The following LUZP2 variants were observed in gnomAD, a reference collection of about 807,000 sequenced individuals.
The protein encoded by LUZP2 is leucine zipper protein 2.
A neutral mutation model predicts 51.6 loss-of-function variants in LUZP2; 52 were observed. The observed-to-expected ratio is 1.01, with a 90% CI of 0.81 to 1.27. LUZP2 has a LOEUF of 1.27. Among genes scored for constraint, LUZP2 ranks in the 50% most tolerant of loss-of-function variants. The probability of loss-of-function intolerance (pLI) is 0.00; values close to 1 mark genes in which losing one functional copy is unlikely to be tolerated. For synonymous variants in LUZP2, 154 were observed against 137.3 expected (o/e 1.12, Z -0.85); for missense variants, 436 against 395.4 (o/e 1.10, Z -0.87).
chr11:25,077,427 G>GT (rs1565316765), intron 11 of LUZP2, 21 bp downstream of exon 11: 2 of 1,461,240 alleles, frequency 1.4e-6, no homozygotes, highest in Admixed American at 3.6e-5. Context: ...GTTTTATTTC[G>GT]TTTGTGTCAA....
chr11:24,504,202 T>C (rs1270589436), intron 1 of LUZP2, among the ~76,000 whole-genome samples: 1 of 152,232 alleles, frequency 6.6e-6, no homozygotes, highest in Non-Finnish European at 1.5e-5. Flanking sequence ...AGACATTTGC[T>C]GATATAAATC....
intron 7 of LUZP2, among the ~76,000 whole-genome samples, chr11:24,942,012 C>T (rs1854765121): frequency 6.6e-6 from 1 of 152,090 alleles, no homozygotes; most frequent in Admixed American, 6.6e-5. Context: ...GCATAATATG[C>T]TTGAGTTCAT....
intron 1 of LUZP2, among the ~76,000 whole-genome samples, chr11:24,543,592 G>A (rs202183304): frequency 1.3e-5 from 2 of 151,930 alleles, no homozygotes; most frequent in African/African-American, 4.8e-5. Flanking sequence ...AGGCCAAGGC[G>A]GGCAGATCAC....
At chr11:24,977,997 C>T (rs547852700) in intron 8 of LUZP2, among the ~76,000 whole-genome samples, 2 of 151,238 alleles carry the variant, frequency 1.3e-5, no homozygotes, top group Non-Finnish European at 3.0e-5. Flanking sequence ...AAGATGATTG[C>T]AATTATAAAC....
chr11:24,745,268 C>T (rs186942500), intron 4 of LUZP2, among the ~76,000 whole-genome samples: 3 of 152,184 alleles, frequency 2.0e-5, no homozygotes, highest in South Asian at 2.1e-4. Flanking sequence ...TCTTTGTTGA[C>T]GTTCTGTCTT....
intron 1 of LUZP2, among the ~76,000 whole-genome samples, chr11:24,546,054 G>A (rs1214662406): frequency 6.6e-6 from 1 of 151,930 alleles, no homozygotes; most frequent in African/African-American, 2.4e-5. Context: ...TTGTGAAATG[G>A]GACTGCATTC....
chr11:24,780,413 C>T (rs1849056205), intron 5 of LUZP2, among the ~76,000 whole-genome samples: 1 of 152,098 alleles, frequency 6.6e-6, no homozygotes, highest in African/African-American at 2.4e-5. Context: ...TGTTTTCCAC[C>T]TTTGCTTTGT....
At chr11:24,594,696 T>G (rs1311374211) in intron 1 of LUZP2, among the ~76,000 whole-genome samples, 1 of 151,858 alleles carries the variant, frequency 6.6e-6, no homozygotes, top group African/African-American at 2.4e-5. Flanking sequence ...ATGGAAACAT[T>G]GGCCTTGATA....
At chr11:24,516,461 C>T (rs900087800) in intron 1 of LUZP2, among the ~76,000 whole-genome samples, 3 of 152,094 alleles carry the variant, frequency 2.0e-5, no homozygotes, top group African/African-American at 7.2e-5. Context: ...GTTGTGCTTA[C>T]ATAGGAAGAA....
In LUZP2 at chr11:24,604,925, CAT is replaced by C. The variant is rs893773594; in HGVS notation, c.62+107622_62+107623del. On this transcript the variant is annotated intron_variant, in intron 1 of 11. Coordinates refer to ENST00000336930, the MANE Select transcript of LUZP2 (RefSeq NM_001009909.4). ...CTATTTTATGAGATTTTAAAAAACT[CAT>C]AGTTATCTCTTTTGTGGGGAGTGGC... Among the ~76,000 whole-genome samples, 23 of 151,900 alleles carry C rather than the reference CAT, an allele frequency of 1.5e-4. 1 individual carries two copies. The highest frequency in any genetic ancestry group is 4.8e-4 in the African/African-American group (20 of 41,520).
chr11:24,953,785 C>G (rs1179614710), intron 7 of LUZP2, among the ~76,000 whole-genome samples: 2 of 152,104 alleles, frequency 1.3e-5, no homozygotes, highest in South Asian at 4.1e-4. Context: ...GATTTAGAAT[C>G]CACTATATAC....
rs568933239 is a variant in LUZP2, at chr11:25,049,267, T to C, written c.766-771T>C. Among the ~76,000 whole-genome samples the C allele has an allele frequency of 3.3e-5, 5 of 152,258 alleles. No homozygotes were observed. In the South Asian group the frequency reaches 1.0e-3, roughly 32 times the overall value. On this transcript the variant is annotated intron_variant, in intron 9 of 11. Transcript: ENST00000336930. Reference sequence around the variant, plus strand: ...AATTAGCATTTACTAGTTTATTTTGTGTGCCCTAAAACAGTACCCTCAGGG... The same window carrying C: ...AATTAGCATTTACTAGTTTATTTTGCGTGCCCTAAAACAGTACCCTCAGGG...
chr11:24,970,331 G>A (rs991102491), intron 7 of LUZP2, among the ~76,000 whole-genome samples: 4 of 151,980 alleles, frequency 2.6e-5, no homozygotes, highest in South Asian at 2.1e-4. Flanking sequence ...AACCTGATAT[G>A]TCTTTAAGAT....
chr11:24,682,907 G>A lies in LUZP2; in HGVS notation c.63-46262G>A, dbSNP rs551437455. On this transcript the variant is annotated intron_variant, in intron 1 of 11. Transcript: ENST00000336930. ...TAGTCCCTGCTACTCGGGAGGCTGC[G>A]GCAGGAGAATCACTTGAACTCAGGA... 2.8e-4 allele frequency among the ~76,000 whole-genome samples: 42 copies of A among 152,148 alleles called. No homozygotes were observed. The South Asian group carries it at 7.5e-3, about 27-fold the overall frequency.
intron 7 of LUZP2, among the ~76,000 whole-genome samples, chr11:24,953,350 G>GA (rs1035670238): frequency 1.4e-4 from 21 of 150,376 alleles, no homozygotes; most frequent in East Asian, 2.0e-4. Context: ...ATTCACACAG[G>GA]AAAAAAAAAT....
intron 7 of LUZP2, among the ~76,000 whole-genome samples, chr11:24,934,970 TA>T (rs1854548617): frequency 6.6e-6 from 1 of 152,214 alleles, no homozygotes; most frequent in Non-Finnish European, 1.5e-5. Context: ...TGGCAGTGAA[TA>T]CTATTTGTTA....
intron 5 of LUZP2, among the ~76,000 whole-genome samples, chr11:24,782,440 A>G (rs1849121794): frequency 6.6e-6 from 1 of 152,026 alleles, no homozygotes. Flanking sequence ...CCAGGACTCA[A>G]TGATGGATTG....
At chr11:24,695,932 C>T (rs1857234581) in intron 1 of LUZP2, among the ~76,000 whole-genome samples, 1 of 151,202 alleles carries the variant, frequency 6.6e-6, no homozygotes, top group African/African-American at 2.4e-5. Context: ...GAAAATAAGG[C>T]ATTTAAGATA....
chr11:24,696,631 G>C (rs997678724), intron 1 of LUZP2, among the ~76,000 whole-genome samples: 1 of 151,780 alleles, frequency 6.6e-6, no homozygotes, highest in African/African-American at 2.4e-5. Context: ...GTAGGGGATT[G>C]GAATAAAATG....
Sources: gnomAD v4.1 joint callset for allele counts (sites outside exome capture counted in the v4.1 genomes callset) on GRCh38, gnomAD v4.1.1 for gene constraint, MANE v1.5 for transcripts, NCBI Gene and HGNC (gene_info 2026-07-23, HGNC 2026-07-21) for gene names.